Variants in RBFOX3 observed in about 807,000 individuals in gnomAD.
RBFOX3 encodes the protein RNA binding fox-1 homolog 3, also known as RNA binding protein fox-1 homolog 3.
A neutral mutation model predicts 48.7 loss-of-function variants in RBFOX3; 17 were observed. The ratio of observed to expected loss-of-function variants is 0.35; its 90% CI spans 0.24 to 0.52. The LOEUF (loss-of-function observed/expected upper bound fraction) is 0.52. RBFOX3 is among the 20% of genes least tolerant of loss of function. RBFOX3 has a pLI of 0.94. For missense variants in RBFOX3, 382 were observed against 497.5 expected (o/e 0.77, Z 2.21); for synonymous variants, 212 against 209.5 (o/e 1.01, Z -0.10).
chr17:79,255,613 C>T lies in RBFOX3; in HGVS notation c.-73-19808G>A, dbSNP rs567707975. Among the ~76,000 whole-genome samples, 179 of 152,176 alleles carry T rather than the reference C, an allele frequency of 1.2e-3. 2 individuals carry two copies. The highest frequency in any genetic ancestry group is 6.8e-3 in the Middle Eastern group (2 of 294). Reference sequence around the variant, plus strand: ...GGACACTCCATCTTCCCCTGGCGACCGCGTCTCCCAGGAAGCCTCGGGAAG... The same window carrying T: ...GGACACTCCATCTTCCCCTGGCGACTGCGTCTCCCAGGAAGCCTCGGGAAG... On this transcript the variant is annotated intron_variant, in intron 3 of 14. Coordinates refer to ENST00000693108, the MANE Select transcript of RBFOX3 (RefSeq NM_001350451.2).
intron 4 of RBFOX3, among the ~76,000 whole-genome samples, chr17:79,126,007 A>T (rs2037157995): frequency 6.6e-6 from 1 of 152,150 alleles, no homozygotes; most frequent in Non-Finnish European, 1.5e-5. Context: ...CCCCCTGCAC[A>T]TTTAATTCTC....
intron 3 of RBFOX3, among the ~76,000 whole-genome samples, chr17:79,285,931 C>A (rs748078315): frequency 1.3e-5 from 2 of 152,228 alleles, no homozygotes; most frequent in Admixed American, 6.5e-5. Context: ...GATCCACCTA[C>A]CTCGGCCTCC....
At chr17:79,108,372 A>G (rs2077831286) in intron 5 of RBFOX3, among the ~76,000 whole-genome samples, 1 of 152,254 alleles carries the variant, frequency 6.6e-6, no homozygotes, top group Admixed American at 6.5e-5. Context: ...GAGGAAAGCC[A>G]AGAAGAGAGG....
chr17:79,383,073 C>T lies in RBFOX3; in HGVS notation c.-174-75249G>A, dbSNP rs1352714496. 2.0e-5 allele frequency among the ~76,000 whole-genome samples: 3 copies of T among 148,412 alleles called. No individual in the cohort carries two copies. In the South Asian group the frequency reaches 6.6e-4, roughly 33 times the overall value. On this transcript the variant is annotated intron_variant, in intron 2 of 14. Transcript: ENST00000693108. ...ACACACACACACACACACACACACACAGTGTGTAGAATCAATACCGCAGCC... is the reference window on the plus strand; with the variant it reads ...ACACACACACACACACACACACACATAGTGTGTAGAATCAATACCGCAGCC...
intron 2 of RBFOX3, among the ~76,000 whole-genome samples, chr17:79,356,898 C>T (rs1026183464): frequency 1.3e-5 from 2 of 152,192 alleles, no homozygotes; most frequent in Non-Finnish European, 2.9e-5. Flanking sequence ...CAACTCCGTC[C>T]CCCTCAGCCA....
chr17:79,556,598 T>C (rs1288887162), intron 1 of RBFOX3, among the ~76,000 whole-genome samples: 1 of 152,188 alleles, frequency 6.6e-6, no homozygotes. Context: ...AAATTAGGGC[T>C]GATGTGAAAT....
At chr17:79,658,103 T>C in the RBFOX3 span, among the ~76,000 whole-genome samples, 1 of 152,160 alleles carries the variant, frequency 6.6e-6, no homozygotes, top group African/African-American at 2.4e-5. Flanking sequence ...ACTTTACTCG[T>C]GGTTTTTTTA....
chr17:79,622,892 C>T, the RBFOX3 span, among the ~76,000 whole-genome samples: 2 of 152,176 alleles, frequency 1.3e-5, no homozygotes, highest in South Asian at 2.1e-4. Context: ...GTTCTGCAAA[C>T]GTGGCAGAGC....
At position 79,479,127 on chromosome 17, in the gene RBFOX3, T is replaced by A. The variant is rs998345434; in HGVS notation, c.-175+3327A>T. ...GCTTTTCCCTGCCCGGGTTTCTCCATCACTGTTCTCCAAGTCCCTCTTAGG... is the reference window on the plus strand; with the variant it reads ...GCTTTTCCCTGCCCGGGTTTCTCCAACACTGTTCTCCAAGTCCCTCTTAGG... On this transcript the variant is annotated intron_variant, in intron 2 of 14. Transcript: ENST00000693108. The surrounding 1 kb of genome is among the most constrained non-coding windows in gnomAD (Gnocchi z 5.1). Among the ~76,000 whole-genome samples the A allele has an allele frequency of 6.6e-6, 1 of 152,162 alleles. No homozygotes were observed. Among genetic ancestry groups the A allele is most frequent in the Non-Finnish European group, 1.5e-5 (1 of 68,032 alleles).
chr17:79,381,963 C>T (rs75184961), intron 2 of RBFOX3, among the ~76,000 whole-genome samples: 3 of 152,332 alleles, frequency 2.0e-5, no homozygotes, highest in South Asian at 2.1e-4. Context: ...TTTGACAAAA[C>T]GTCTCCAAGG....
At chr17:79,138,075 C>G (rs969486639) in intron 4 of RBFOX3, among the ~76,000 whole-genome samples, 11 of 152,184 alleles carry the variant, frequency 7.2e-5, no homozygotes, top group African/African-American at 2.7e-4. Flanking sequence ...CGCCCACTCA[C>G]GCGGACAAGG....
chr17:79,222,015 G>T (rs1021626983), intron 4 of RBFOX3, among the ~76,000 whole-genome samples: 35 of 152,206 alleles, frequency 2.3e-4, no homozygotes, highest in African/African-American at 8.4e-4. Flanking sequence ...AACACCTGAG[G>T]GTAGGAAAGC....
At chr17:79,553,981 G>T (rs1034900190) in intron 1 of RBFOX3, among the ~76,000 whole-genome samples, 1 of 152,128 alleles carries the variant, frequency 6.6e-6, no homozygotes, top group Non-Finnish European at 1.5e-5. Context: ...CAATCCACCC[G>T]CCTCGGCCTC....
At chr17:79,335,686 G>T (rs1193389049) in intron 2 of RBFOX3, among the ~76,000 whole-genome samples, 2 of 152,122 alleles carry the variant, frequency 1.3e-5, no homozygotes, top group Non-Finnish European at 2.9e-5. Flanking sequence ...AACCACGCTG[G>T]GTCTGGCCCT....
intron 1 of RBFOX3, among the ~76,000 whole-genome samples, chr17:79,509,596 C>A (rs1270688667): frequency 6.6e-6 from 1 of 152,202 alleles, no homozygotes; most frequent in Non-Finnish European, 1.5e-5. Flanking sequence ...CCACCCCAAC[C>A]CCTCCTTCCC....
intron 3 of RBFOX3, among the ~76,000 whole-genome samples, chr17:79,283,100 G>A (rs766922713): frequency 5.3e-5 from 8 of 152,228 alleles, no homozygotes; most frequent in South Asian, 4.1e-4. Flanking sequence ...AGGCGGGGGC[G>A]GGAAGAAAAC....
intron 2 of RBFOX3, among the ~76,000 whole-genome samples, chr17:79,388,598 T>C (rs995966562): frequency 1.3e-5 from 2 of 152,200 alleles, no homozygotes; most frequent in Non-Finnish European, 2.9e-5. Flanking sequence ...TGAGCGCCCC[T>C]GCTCCAGGAA....
At chr17:79,134,259 A>G (rs947653671) in intron 4 of RBFOX3, among the ~76,000 whole-genome samples, 9 of 152,258 alleles carry the variant, frequency 5.9e-5, no homozygotes, top group Non-Finnish European at 1.2e-4. Flanking sequence ...TTTCCTGGCA[A>G]CGAAGATTAC....
chr17:79,352,207 G>A (rs2084078809), intron 2 of RBFOX3, among the ~76,000 whole-genome samples: 1 of 152,200 alleles, frequency 6.6e-6, no homozygotes, highest in South Asian at 2.1e-4. Flanking sequence ...GGTGGAAGGT[G>A]ATTGGATCAT....
Sources: gnomAD v4.1 joint callset for allele counts (sites outside exome capture counted in the v4.1 genomes callset) on GRCh38, gnomAD v4.1.1 for gene constraint, Gnocchi (gnomAD v3.1) non-coding constraint, MANE v1.5 for transcripts, NCBI Gene and HGNC (gene_info 2026-07-23, HGNC 2026-07-21) for gene names.